The following HEATR5B variants were observed in gnomAD, a reference collection of about 807,000 sequenced individuals.
The protein encoded by HEATR5B is HEAT repeat-containing protein 5B.
Under a neutral mutation model 224.1 loss-of-function variants are expected in HEATR5B, and 156 were observed. The ratio of observed to expected loss-of-function variants is 0.70; its 90% CI spans 0.61 to 0.80. The LOEUF is 0.80. HEATR5B is among the 30% of genes least tolerant of loss of function. The pLI, the probability that HEATR5B is intolerant of heterozygous loss-of-function variation, is 0.00. For missense variants in HEATR5B, 2,323 were observed against 2,535.5 expected (o/e 0.92, Z 1.80); for synonymous variants, 1,027 against 893.0 (o/e 1.15, Z -2.68).
chr2:37,076,509 A>G (rs1169729510), intron 4 of HEATR5B, among the ~76,000 whole-genome samples: 2 of 152,222 alleles, frequency 1.3e-5, no homozygotes, highest in Non-Finnish European at 2.9e-5. Context: ...TTCAGTGGAA[A>G]CATGGCCTTG....
chr2:37,076,113 A>G (rs1255221281), intron 4 of HEATR5B: 4 of 140,310 alleles, frequency 2.9e-5, no homozygotes, highest in Non-Finnish European at 4.6e-5. Context: ...CCATATTCTC[A>G]TAGTGCTTAT....
intron 15 of HEATR5B, 51 bp from the exon 16 acceptor site, chr2:37,056,666 C>A: frequency 1.4e-6 from 2 of 1,455,074 alleles, no homozygotes; most frequent in Non-Finnish European, 9.3e-7. Context: ...AGGAAATCTA[C>A]TTATTAAACA....
rs528412291 is a variant in HEATR5B, at chr2:37,002,879, G to A, written c.5051-307C>T. Among the ~76,000 whole-genome samples, 25 of 152,214 alleles carry A rather than the reference G, an allele frequency of 1.6e-4. No homozygotes were observed. The East Asian group carries it at 3.3e-3, about 20-fold the overall frequency. On this transcript the variant is annotated intron_variant, in intron 31 of 35. Coordinates refer to ENST00000233099, the MANE Select transcript of HEATR5B (RefSeq NM_019024.3). ...AATTGACAAAAGGTGAAAAATAGTC[G>A]ACTCTCAGCAATTTCATTTGGTCCT...
Position 37,083,500 on chromosome 2 carries a change from G to A in HEATR5B, c.-22-64C>T, listed in dbSNP as rs1046524006. On this transcript the variant is annotated intron_variant, in intron 1 of 35. Transcript: ENST00000233099. ...TTTAATGTTAAAAGTCAAGCTTAATGGAATATACTCACTAAGAAAAGTAGG... is the reference window on the plus strand; with the variant it reads ...TTTAATGTTAAAAGTCAAGCTTAATAGAATATACTCACTAAGAAAAGTAGG... 5 of 1,206,220 alleles carry A rather than the reference G, an allele frequency of 4.1e-6. No individual in the cohort carries two copies. The African/African-American group carries it at 6.2e-5, about 15-fold the overall frequency. The allele number at this position is 1,206,220 out of a possible 1,614,324, so 74.7% of individuals were successfully genotyped here.
chr2:37,053,731 T>G, intron 16 of HEATR5B, 124 bp from the exon 17 acceptor site: 1 of 571,146 alleles, frequency 1.8e-6, no homozygotes, highest in African/African-American at 1.9e-5. Flanking sequence ...CTCTTTTCTA[T>G]TTCATTCCCA....
chr2:37,043,856 T>C (rs1379908247), intron 18 of HEATR5B, among the ~76,000 whole-genome samples: 1 of 152,168 alleles, frequency 6.6e-6, no homozygotes, highest in Non-Finnish European at 1.5e-5. Context: ...AAGCCACATA[T>C]GTAATTTAAA....
chr2:37,008,875 T>C, intron 27 of HEATR5B, 27 bp from the exon 28 acceptor site: 1 of 1,283,222 alleles, frequency 7.8e-7, no homozygotes, highest in African/African-American at 1.5e-5. Context: ...GAGGACAAAA[T>C]AGTAAGGCAT....
At chr2:37,047,323 C>T (rs1361575776) in intron 18 of HEATR5B, among the ~76,000 whole-genome samples, 1 of 152,006 alleles carries the variant, frequency 6.6e-6, no homozygotes, top group Non-Finnish European at 1.5e-5. Flanking sequence ...TATTATTATT[C>T]CTAAAGAGCA....
At position 37,002,551 on chromosome 2, in the gene HEATR5B, T is replaced by C. The variant is rs369298279; in HGVS notation, c.5072A>G (p.Glu1691Gly). 1.9e-6 allele frequency: 3 copies of C among 1,613,094 alleles called. No homozygotes were observed. In the African/African-American group the frequency reaches 4.0e-5, roughly 22 times the overall value. The change falls in exon 32 of 36, where the codon GAG (glutamate) becomes GGG (glycine). Residue 1691 changes from glutamate to glycine, a missense_variant. Transcript: ENST00000233099. Reference protein sequence around the residue: ...NTLNEDDMEKEACTVLGEGGD... With the variant: ...NTLNEDDMEKGACTVLGEGGD... ...TCCTTCTCCCAATACGGTACAGGCC[T>C]CTTTTTCCATATCATCTTCATCTGA...
At chr2:37,059,074 T>C (rs573706382) in intron 12 of HEATR5B, 87 bp from the exon 13 acceptor site, 1 of 758,258 alleles carries the variant, frequency 1.3e-6, no homozygotes, top group Admixed American at 2.6e-5. Context: ...TAAAGGCAGT[T>C]GTAATACTTA....
chr2:37,066,175 A>G lies in HEATR5B; in HGVS notation c.1178-265T>C, dbSNP rs77074036. On this transcript the variant is annotated intron_variant, in intron 8 of 35. Coordinates refer to ENST00000233099, the MANE Select transcript of HEATR5B (RefSeq NM_019024.3). ...AACCTAATTTTAGCAAGCAGCAGCA[A>G]TCCAGTGTATAAAAGCACAGATACT... Among the ~76,000 whole-genome samples, 722 of 152,328 alleles carry G rather than the reference A, an allele frequency of 4.7e-3. 2 individuals carry two copies. Among genetic ancestry groups the G allele is most frequent in the African/African-American group, 0.016 (678 of 41,574 alleles).
intron 21 of HEATR5B, among the ~76,000 whole-genome samples, chr2:37,033,679 C>A (rs78906805): frequency 0.05 from 7,637 of 152,166 alleles, 285 homozygotes; most frequent in South Asian, 0.11. Context: ...AAGTTAAGAA[C>A]TCAGGCACAG....
chr2:37,023,807 A>G (rs1189910168), intron 24 of HEATR5B, among the ~76,000 whole-genome samples: 2 of 152,038 alleles, frequency 1.3e-5, no homozygotes. Flanking sequence ...AATAAAAATA[A>G]AAAGAATATC....
At chr2:37,030,862 G>C (rs1669084293) in intron 22 of HEATR5B, among the ~76,000 whole-genome samples, 1 of 152,176 alleles carries the variant, frequency 6.6e-6, no homozygotes, top group South Asian at 2.1e-4. Context: ...TAATTGCAAG[G>C]TTAGCCCTTG....
intron 18 of HEATR5B, 36 bp downstream of exon 18, chr2:37,049,617 T>C (rs1180079337): frequency 2.0e-6 from 3 of 1,538,330 alleles, no homozygotes; most frequent in African/African-American, 2.8e-5. Flanking sequence ...CATCTTTGCC[T>C]ACACATGAAA....
At chr2:37,052,874 A>C (rs1471089757) in intron 17 of HEATR5B, among the ~76,000 whole-genome samples, 1 of 152,162 alleles carries the variant, frequency 6.6e-6, no homozygotes, top group Non-Finnish European at 1.5e-5. Flanking sequence ...TTATCATGCT[A>C]CTCAGAATGT....
At chr2:37,028,542 A>G in intron 23 of HEATR5B, 139 bp downstream of exon 23, 1 of 620,822 alleles carries the variant, frequency 1.6e-6, no homozygotes, top group Non-Finnish European at 2.6e-6. Flanking sequence ...ACATTTTGAC[A>G]GAGATTTGTA....
chr2:37,038,385 C>A (rs1362709022), intron 20 of HEATR5B, among the ~76,000 whole-genome samples: 2 of 152,134 alleles, frequency 1.3e-5, no homozygotes, highest in Non-Finnish European at 2.9e-5. Flanking sequence ...AATGATCCAC[C>A]CGCCGTGGCC....
chr2:37,057,512 A>T, intron 14 of HEATR5B, 32 bp from the exon 15 acceptor site: 12 of 1,507,020 alleles, frequency 8.0e-6, no homozygotes, highest in Non-Finnish European at 1.1e-5. Flanking sequence ...CAGATTAAAA[A>T]GAATAATTTT....
Sources: gnomAD v4.1 joint callset for allele counts (sites outside exome capture counted in the v4.1 genomes callset) on GRCh38, gnomAD v4.1.1 for gene constraint, MANE v1.5 for transcripts, NCBI Gene and HGNC (gene_info 2026-07-23, HGNC 2026-07-21) for gene names.